The following LRRC4C variants were observed in gnomAD, a reference collection of about 807,000 sequenced individuals.
LRRC4C encodes leucine-rich repeat-containing protein 4C.
In LRRC4C, 5 loss-of-function variants were observed where a neutral mutation model predicts 33.6. The observed-to-expected ratio is 0.15, with a 90% CI of 0.08 to 0.31. LRRC4C has a LOEUF of 0.31. Among genes scored for constraint, LRRC4C ranks in the 10% least tolerant of loss-of-function variants. LRRC4C has a pLI of 1.00. For synonymous variants in LRRC4C, 329 were observed against 302.0 expected (o/e 1.09, Z -0.93); for missense variants, 560 against 796.7 (o/e 0.70, Z 3.58).
intron 1 of LRRC4C, among the ~76,000 whole-genome samples, chr11:41,270,733 G>A (rs1949294586): frequency 6.6e-6 from 1 of 152,058 alleles, no homozygotes; most frequent in Non-Finnish European, 1.5e-5. Flanking sequence ...TCTCTTGGTT[G>A]CTATATCAGT....
chr11:40,489,147 T>C (rs1464515581), intron 3 of LRRC4C, among the ~76,000 whole-genome samples: 1 of 152,154 alleles, frequency 6.6e-6, no homozygotes, highest in East Asian at 1.9e-4. Flanking sequence ...TTATATCCCA[T>C]GCTACTGCTT....
At chr11:41,448,120 C>CTTTTTTT (rs1211366298) in intron 1 of LRRC4C, among the ~76,000 whole-genome samples, 2 of 23,876 alleles carry the variant, frequency 8.4e-5, no homozygotes, top group Non-Finnish European at 9.8e-5. Flanking sequence ...CTGCACACGT[C>CTTTTTTT]TGTTTTTTTT....
intron 4 of LRRC4C, among the ~76,000 whole-genome samples, chr11:40,273,607 T>C (rs1942871692): frequency 6.6e-6 from 1 of 152,132 alleles, no homozygotes; most frequent in African/African-American, 2.4e-5. Flanking sequence ...CATGTTCCAG[T>C]CTATTTTATC....
At chr11:40,462,233 G>C (rs1257264933) in intron 3 of LRRC4C, among the ~76,000 whole-genome samples, 3 of 152,118 alleles carry the variant, frequency 2.0e-5, no homozygotes, top group Non-Finnish European at 2.9e-5. Context: ...TAACATAAGA[G>C]TTTATTTAAA....
chr11:40,431,875 A>T (rs926936369), intron 3 of LRRC4C, among the ~76,000 whole-genome samples: 1 of 152,134 alleles, frequency 6.6e-6, no homozygotes, highest in South Asian at 2.1e-4. Context: ...GCCCATCCTC[A>T]TTACACTATC....
At chr11:40,595,541 T>A (rs745345075) in intron 3 of LRRC4C, among the ~76,000 whole-genome samples, 13 of 152,118 alleles carry the variant, frequency 8.5e-5, no homozygotes, top group Non-Finnish European at 1.6e-4. Flanking sequence ...CTTTCTTCTC[T>A]TTCCCTTCTT....
chr11:40,729,091 A>T (rs1011987755), intron 2 of LRRC4C, among the ~76,000 whole-genome samples: 2 of 152,132 alleles, frequency 1.3e-5, no homozygotes, highest in Non-Finnish European at 1.5e-5. Flanking sequence ...CATGCAATAT[A>T]CCTGTGTAAT....
intron 3 of LRRC4C, among the ~76,000 whole-genome samples, chr11:40,425,765 TAA>T (rs1202533181): frequency 6.6e-6 from 1 of 152,246 alleles, no homozygotes; most frequent in African/African-American, 2.4e-5. Flanking sequence ...AATTATTGTC[TAA>T]ACTCTTTCTC....
intron 4 of LRRC4C, among the ~76,000 whole-genome samples, chr11:40,268,725 G>A (rs1011598044): frequency 9.9e-5 from 15 of 152,066 alleles, no homozygotes; most frequent in Non-Finnish European, 2.2e-4. Flanking sequence ...GGAACCATCT[G>A]GAGATTCTGT....
intron 3 of LRRC4C, among the ~76,000 whole-genome samples, chr11:40,543,423 C>T (rs1203374133): frequency 6.6e-6 from 1 of 152,072 alleles, no homozygotes; most frequent in African/African-American, 2.4e-5. Flanking sequence ...TGCACACTTT[C>T]TGAAAGCCAC....
At chr11:40,709,734 T>A (rs1367157736) in intron 2 of LRRC4C, among the ~76,000 whole-genome samples, 1 of 152,180 alleles carries the variant, frequency 6.6e-6, no homozygotes, top group Admixed American at 6.5e-5. Flanking sequence ...AATGTTGGCT[T>A]GCCTTGCTAG....
At chr11:41,370,470 C>T (rs1176071592) in intron 1 of LRRC4C, among the ~76,000 whole-genome samples, 1 of 152,176 alleles carries the variant, frequency 6.6e-6, no homozygotes, top group Non-Finnish European at 1.5e-5. Flanking sequence ...TCCCCCCATA[C>T]TGCTCTCGTG....
At chr11:40,989,138 C>A (rs1286893481) in intron 1 of LRRC4C, among the ~76,000 whole-genome samples, 2 of 152,094 alleles carry the variant, frequency 1.3e-5, no homozygotes, top group Admixed American at 1.3e-4. Flanking sequence ...TTGTTTAAAG[C>A]CAGTTTTACC....
At chr11:41,194,257 T>C (rs1166882999) in intron 1 of LRRC4C, among the ~76,000 whole-genome samples, 1 of 152,084 alleles carries the variant, frequency 6.6e-6, no homozygotes, top group African/African-American at 2.4e-5. Flanking sequence ...AGTATTTAAG[T>C]TTTTAGGTAG....
chr11:40,838,628 T>TTA lies in LRRC4C; in HGVS notation c.-407+95005_-407+95006dup, dbSNP rs1952784816. Among the ~76,000 whole-genome samples, 3 of 151,220 alleles carry TTA rather than the reference T, an allele frequency of 2.0e-5. No individual in the cohort carries two copies. In the South Asian group the frequency reaches 6.3e-4, roughly 32 times the overall value. ...ATGAAAATACACATAGAAAGAATTA[T>TTA]TATATATATGAAGACATGTTTTTAT... is the stretch of plus-strand genomic sequence containing the variant. On this transcript the variant is annotated intron_variant, in intron 2 of 6. Coordinates refer to ENST00000528697, the MANE Select transcript of LRRC4C (RefSeq NM_001258419.2).
At chr11:40,982,828 T>A (rs1852638278) in intron 1 of LRRC4C, among the ~76,000 whole-genome samples, 1 of 152,114 alleles carries the variant, frequency 6.6e-6, no homozygotes, top group South Asian at 2.1e-4. Context: ...CCTCCTACCC[T>A]CTGCCCTCCA....
At chr11:40,275,851 C>T (rs1272869133) in intron 4 of LRRC4C, among the ~76,000 whole-genome samples, 3 of 152,094 alleles carry the variant, frequency 2.0e-5, no homozygotes, top group East Asian at 1.9e-4. Flanking sequence ...TATAGACTAT[C>T]CACTATATGT....
At chr11:40,870,857 T>C (rs1954602399) in intron 2 of LRRC4C, among the ~76,000 whole-genome samples, 1 of 152,164 alleles carries the variant, frequency 6.6e-6, no homozygotes, top group Non-Finnish European at 1.5e-5. Flanking sequence ...ACAAGAGAGA[T>C]AACCTTAAAC....
intron 1 of LRRC4C, among the ~76,000 whole-genome samples, chr11:41,386,305 C>T (rs1953358127): frequency 6.6e-6 from 1 of 151,614 alleles, no homozygotes; most frequent in Non-Finnish European, 1.5e-5. Context: ...TCAAGACTTA[C>T]TTACTTTTCA....
Sources: allele counts gnomAD v4.1 joint callset (sites outside exome capture counted in the v4.1 genomes callset), GRCh38; gene constraint gnomAD v4.1.1; transcripts MANE v1.5; gene names NCBI Gene and HGNC (gene_info 2026-07-23, HGNC 2026-07-21).